The following GRM5 variants were observed in gnomAD, a reference collection of about 807,000 sequenced individuals.
GRM5 encodes the protein metabotropic glutamate receptor 5.
A neutral mutation model predicts 83.1 loss-of-function variants in GRM5; 19 were observed. The ratio of observed to expected loss-of-function variants is 0.23; its 90% CI spans 0.16 to 0.34. The LOEUF is 0.34. Ranked by LOEUF, GRM5 falls within the 10% of genes least tolerant of loss-of-function variation. GRM5 has a pLI of 1.00. For missense variants in GRM5, 1,160 were observed against 1,588.3 expected, an observed-to-expected ratio of 0.73 and a Z score of 4.58; for synonymous variants, 675 against 633.6, an observed-to-expected ratio of 1.07 and a Z score of -0.98.
chr11:88,830,156 T>C (rs751293722), intron 3 of GRM5, among the ~76,000 whole-genome samples: 4 of 152,100 alleles, frequency 2.6e-5, no homozygotes, highest in South Asian at 2.1e-4. Context: ...TGTCTACTTA[T>C]ATTAATGCTA....
In GRM5 at chr11:88,509,175, G is replaced by A. The variant is rs1272590020; in HGVS notation, c.3056C>T (p.Pro1019Leu). 2.0e-6 allele frequency: 3 copies of A among 1,536,144 alleles called. No individual in the cohort carries two copies. Among genetic ancestry groups the A allele is most frequent in the South Asian group, 2.4e-5 (2 of 83,260 alleles). ...GTGGCTCAGCGTGCTGATGGGCGAC[G>A]GTGAGCGCGGCCGCGCGGGCGCCGG... ...HFPAPARPRS[P>L]SPISTLSHRA... The change falls in exon 10 of 10, where the codon CCG becomes CTG. Residue 1019 changes from proline to leucine, a missense_variant. Coordinates refer to ENST00000305447, the MANE Select transcript of GRM5 (RefSeq NM_001143831.3).
intron 3 of GRM5, among the ~76,000 whole-genome samples, chr11:88,710,787 G>A (rs536827196): frequency 1.3e-5 from 2 of 152,046 alleles, no homozygotes; most frequent in Admixed American, 1.3e-4. Context: ...GCAGGTAGAA[G>A]AAACAGGATA....
At chr11:88,875,597 T>G (rs1944840049) in intron 2 of GRM5, among the ~76,000 whole-genome samples, 1 of 152,066 alleles carries the variant, frequency 6.6e-6, no homozygotes, top group South Asian at 2.1e-4. Context: ...TTTGCATAGA[T>G]TAATCTGAAG....
At chr11:88,509,794 G>GC (rs1231008936) in intron 9 of GRM5, among the ~76,000 whole-genome samples, 2 of 152,206 alleles carry the variant, frequency 1.3e-5, no homozygotes, top group African/African-American at 4.8e-5. Context: ...TTAGGATTCT[G>GC]CGGGAGTTCT....
chr11:88,681,508 T>C (rs990614391), intron 3 of GRM5, among the ~76,000 whole-genome samples: 2 of 150,910 alleles, frequency 1.3e-5, no homozygotes, highest in African/African-American at 2.4e-5. Flanking sequence ...ATTTTTCCTT[T>C]TCATTTCTGG....
At chr11:88,778,722 G>T (rs1204927058) in intron 3 of GRM5, among the ~76,000 whole-genome samples, 1 of 152,178 alleles carries the variant, frequency 6.6e-6, no homozygotes, top group African/African-American at 2.4e-5. Flanking sequence ...TGTAAAGAAA[G>T]AACCTATGGC....
chr11:88,674,194 C>A (rs1940265367), intron 3 of GRM5, among the ~76,000 whole-genome samples: 1 of 151,868 alleles, frequency 6.6e-6, no homozygotes, highest in Non-Finnish European at 1.5e-5. Context: ...TGGAAAATCT[C>A]ATCCCATGGC....
At chr11:88,737,593 T>C (rs1272268128) in intron 3 of GRM5, among the ~76,000 whole-genome samples, 1 of 152,106 alleles carries the variant, frequency 6.6e-6, no homozygotes, top group Non-Finnish European at 1.5e-5. Flanking sequence ...ATCTGTCCTC[T>C]GTACTGACAT....
chr11:88,522,531 T>C (rs2135100943), intron 9 of GRM5, among the ~76,000 whole-genome samples: 1 of 151,300 alleles, frequency 6.6e-6, no homozygotes, highest in African/African-American at 2.4e-5. Context: ...AGGCCTTTTC[T>C]ACTCCCTAAG....
intron 4 of GRM5, among the ~76,000 whole-genome samples, chr11:88,605,565 C>T (rs577646540): frequency 6.6e-6 from 1 of 152,040 alleles, no homozygotes; most frequent in South Asian, 2.1e-4. Context: ...TCAGAATATA[C>T]ACAAAGCTGT....
intron 4 of GRM5, among the ~76,000 whole-genome samples, chr11:88,628,275 A>G (rs1233642914): frequency 6.6e-6 from 1 of 152,234 alleles, no homozygotes; most frequent in African/African-American, 2.4e-5. Context: ...AAATTATAAA[A>G]TACCTGATGG....
At chr11:88,602,788 GA>G (rs1938036228) in intron 5 of GRM5, among the ~76,000 whole-genome samples, 1 of 152,032 alleles carries the variant, frequency 6.6e-6, no homozygotes, top group South Asian at 2.1e-4. Flanking sequence ...TCTTTAGCTG[GA>G]AAAAAGAATG....
intron 3 of GRM5, among the ~76,000 whole-genome samples, chr11:88,828,649 T>C (rs967584962): frequency 3.9e-5 from 6 of 152,128 alleles, no homozygotes; most frequent in African/African-American, 1.4e-4. Context: ...TTAGTGAATG[T>C]AATAAATCAA....
intron 2 of GRM5, among the ~76,000 whole-genome samples, chr11:88,933,723 C>A (rs1231275027): frequency 6.6e-6 from 1 of 151,754 alleles, no homozygotes; most frequent in African/African-American, 2.4e-5. Flanking sequence ...TCAATGAAAC[C>A]AAGAAATCAC....
chr11:88,980,829 A>G (rs1350995433), intron 2 of GRM5, among the ~76,000 whole-genome samples: 2 of 152,156 alleles, frequency 1.3e-5, no homozygotes, highest in African/African-American at 2.4e-5. Flanking sequence ...TCTCAAAAAA[A>G]ATAAATAAAT....
chr11:89,055,159 T>C (rs948678274), intron 1 of GRM5, among the ~76,000 whole-genome samples: 16 of 152,184 alleles, frequency 1.1e-4, no homozygotes, highest in African/African-American at 2.9e-4. Context: ...GTTGTTCCAA[T>C]TGTCTTCATA....
chr11:88,560,473 G>A (rs1942729266), intron 8 of GRM5, among the ~76,000 whole-genome samples: 1 of 152,112 alleles, frequency 6.6e-6, no homozygotes, highest in Non-Finnish European at 1.5e-5. Flanking sequence ...ATCTGGAACA[G>A]TTACTGATGC....
chr11:88,907,221 T>G (rs1945418796), intron 2 of GRM5, among the ~76,000 whole-genome samples: 1 of 152,170 alleles, frequency 6.6e-6, no homozygotes, highest in Admixed American at 6.5e-5. Context: ...GAATGTTATG[T>G]CAGCCCTGTG....
intron 2 of GRM5, among the ~76,000 whole-genome samples, chr11:89,013,090 A>G (rs1940753781): frequency 6.6e-6 from 1 of 152,218 alleles, no homozygotes. Flanking sequence ...GATCTTGCAG[A>G]CAAAGTTGAT....
Sources: allele counts gnomAD v4.1 joint callset (sites outside exome capture counted in the v4.1 genomes callset), GRCh38; gene constraint gnomAD v4.1.1; transcripts MANE v1.5; gene names NCBI Gene and HGNC (gene_info 2026-07-23, HGNC 2026-07-21).